FYB1: variants seen among roughly 807,000 people sequenced by gnomAD.
FYB1 encodes FYN-binding protein 1.
A neutral mutation model predicts 94.1 loss-of-function variants in FYB1; 41 were observed. The ratio of observed to expected loss-of-function variants is 0.44; its 90% CI spans 0.34 to 0.57. The LOEUF is 0.57. Among genes scored for constraint, FYB1 ranks in the 20% least tolerant of loss-of-function variants. FYB1 has a pLI of 0.02. For missense variants in FYB1, 1,050 were observed against 976.8 expected (o/e 1.07, Z -1.00); for synonymous variants, 367 against 353.2 (o/e 1.04, Z -0.44).
intron 1 of FYB1, among the ~76,000 whole-genome samples, chr5:39,242,467 A>T (rs1478545737): frequency 6.6e-6 from 1 of 152,002 alleles, no homozygotes; most frequent in Non-Finnish European, 1.5e-5. Flanking sequence ...AAGGACATGA[A>T]CTCATCCTTT....
intron 1 of FYB1, among the ~76,000 whole-genome samples, chr5:39,207,237 CCTG>C (rs1554039159): frequency 6.6e-6 from 1 of 152,140 alleles, no homozygotes; most frequent in Non-Finnish European, 1.5e-5. Flanking sequence ...ATTATTTCTA[CCTG>C]CTATGTATCC....
upstream of FYB1, among the ~76,000 whole-genome samples, chr5:39,221,192 C>A (rs1352778359): frequency 1.3e-5 from 2 of 152,058 alleles, no homozygotes; most frequent in Non-Finnish European, 2.9e-5. Context: ...TAAAAGAGGG[C>A]CCCATCATGC....
chr5:39,175,259 T>C (rs1745615004), intron 2 of FYB1, among the ~76,000 whole-genome samples: 2 of 152,164 alleles, frequency 1.3e-5, no homozygotes, highest in Non-Finnish European at 2.9e-5. Flanking sequence ...AGGAGCCCAG[T>C]TGGTAGGCGT....
At chr5:39,273,241 G>T (rs1021623887) in intron 1 of FYB1, among the ~76,000 whole-genome samples, 1 of 152,208 alleles carries the variant, frequency 6.6e-6, no homozygotes, top group African/African-American at 2.4e-5. Flanking sequence ...TCGGATGGTT[G>T]CTGTGTCTGT....
rs1819934 is a variant in FYB1, at chr5:39,240,299, C to T, written c.-28+34104G>A. Reference sequence around the variant, plus strand: ...ATGACAAAGATGCCAAAAGCAACTGCAATAAAACCAAAAATTGACAAATGG... The same window carrying T: ...ATGACAAAGATGCCAAAAGCAACTGTAATAAAACCAAAAATTGACAAATGG... On this transcript the variant is annotated intron_variant, in intron 1 of 1. Transcript: ENST00000510188. 6.9e-3 allele frequency among the ~76,000 whole-genome samples: 1,052 copies of T among 152,254 alleles called. 9 individuals carry two copies. Among genetic ancestry groups the T allele is most frequent in the African/African-American group, 0.023 (937 of 41,552 alleles).
intron 1 of FYB1, among the ~76,000 whole-genome samples, chr5:39,204,772 G>A (rs978921184): frequency 1.3e-5 from 2 of 152,178 alleles, no homozygotes; most frequent in African/African-American, 4.8e-5. Flanking sequence ...ATACCAAACT[G>A]TAGCAGGGTA....
intron 1 of FYB1, among the ~76,000 whole-genome samples, chr5:39,241,515 C>T (rs923405465): frequency 2.2e-4 from 33 of 152,148 alleles, no homozygotes; most frequent in Non-Finnish European, 8.8e-5. Context: ...CCTCCTACCT[C>T]TCCTTCCTCA....
intron 14 of FYB1, among the ~76,000 whole-genome samples, chr5:39,120,417 A>C (rs1340684934): frequency 6.6e-6 from 1 of 152,154 alleles, no homozygotes; most frequent in Non-Finnish European, 1.5e-5. Flanking sequence ...AATATAAGTG[A>C]ACAAGCCTAA....
intron 1 of FYB1, among the ~76,000 whole-genome samples, chr5:39,273,937 C>A (rs565022329): frequency 1.7e-4 from 24 of 144,646 alleles, no homozygotes; most frequent in African/African-American, 5.9e-4. Context: ...TTTTTTTTTT[C>A]TTTTTGAGAC....
chr5:39,260,554 G>A (rs1263659571), intron 1 of FYB1, among the ~76,000 whole-genome samples: 3 of 152,100 alleles, frequency 2.0e-5, no homozygotes, highest in African/African-American at 7.2e-5. Context: ...TTTTAAAGGA[G>A]GTGACAATTT....
intron 3 of FYB1, among the ~76,000 whole-genome samples, chr5:39,141,606 A>G (rs1742191005): frequency 6.6e-6 from 1 of 152,206 alleles, no homozygotes; most frequent in Non-Finnish European, 1.5e-5. Context: ...CCTGGGCAAC[A>G]GGGCAAAACA....
At chr5:39,256,118 T>C (rs531695558) in intron 1 of FYB1, among the ~76,000 whole-genome samples, 2 of 152,284 alleles carry the variant, frequency 1.3e-5, no homozygotes, top group Non-Finnish European at 1.5e-5. Context: ...ATCTTAGCAA[T>C]GGAAAGGTAA....
intron 1 of FYB1, among the ~76,000 whole-genome samples, chr5:39,252,480 A>G (rs1751767315): frequency 6.6e-6 from 1 of 152,226 alleles, no homozygotes; most frequent in Non-Finnish European, 1.5e-5. Context: ...ACACACAAAC[A>G]ATCTGTTATG....
rs1444498760 is a variant in FYB1 at position 39,202,639 on chromosome 5, C to G, written c.322G>C (p.Gly108Arg). The G allele has an allele frequency of 6.2e-7, 1 of 1,613,792 alleles. No homozygotes were observed. Among genetic ancestry groups the G allele is most frequent in the Non-Finnish European group, 8.5e-7 (1 of 1,179,848 alleles). Residue 108 changes from glycine to arginine, a missense_variant, in exon 2 of 19, where the codon GGA becomes CGA. Physicochemically the swap from Gly to Arg is moderately radical, Grantham distance 125 (BLOSUM62 -2). Transcript: ENST00000512982. ...LTTRDPEAKVGFLKPVGPKPI... is the reference protein window; with the variant it reads ...LTTRDPEAKVRFLKPVGPKPI... Reference sequence around the variant, plus strand: ...TTGGGGCCTACAGGTTTCAGAAATCCCACTTTCGCCTCGGGGTCTCTGGTG... The same window carrying G: ...TTGGGGCCTACAGGTTTCAGAAATCGCACTTTCGCCTCGGGGTCTCTGGTG...
intron 2 of FYB1, among the ~76,000 whole-genome samples, chr5:39,156,901 A>T (rs992103747): frequency 1.3e-5 from 2 of 152,210 alleles, no homozygotes; most frequent in African/African-American, 4.8e-5. Context: ...GGGGATGAAT[A>T]TTGAACTATA....
At chr5:39,243,733 G>C (rs967062907) in intron 1 of FYB1, among the ~76,000 whole-genome samples, 1 of 152,158 alleles carries the variant, frequency 6.6e-6, no homozygotes, top group Non-Finnish European at 1.5e-5. Context: ...ACCTTGGGCA[G>C]TATGGCCATT....
intron 2 of FYB1, among the ~76,000 whole-genome samples, chr5:39,168,094 C>T (rs759424251): frequency 3.3e-5 from 5 of 152,276 alleles, no homozygotes; most frequent in African/African-American, 7.2e-5. Context: ...AACTTTCTTA[C>T]GGTGCTAATA....
At chr5:39,182,129 G>A (rs1746297103) in intron 2 of FYB1, among the ~76,000 whole-genome samples, 1 of 152,038 alleles carries the variant, frequency 6.6e-6, no homozygotes, top group African/African-American at 2.4e-5. Flanking sequence ...ATAAGGTTCG[G>A]TTCCTGCCTA....
chr5:39,137,459 A>G, intron 7 of FYB1, 141 bp downstream of exon 7: 3 of 935,674 alleles, frequency 3.2e-6, no homozygotes, highest in Non-Finnish European at 4.6e-6. Context: ...ACAAAAAAGT[A>G]CTGTTATGAA....
Sources: allele counts gnomAD v4.1 joint callset (sites outside exome capture counted in the v4.1 genomes callset), GRCh38; gene constraint gnomAD v4.1.1; transcripts MANE v1.5; gene names NCBI Gene and HGNC (gene_info 2026-07-23, HGNC 2026-07-21).